CTBP2: variants seen among roughly 807,000 people sequenced by gnomAD.
The protein encoded by CTBP2 is C-terminal-binding protein 2.
CTBP2 carries 30 observed loss-of-function variants against 80.3 expected under a neutral mutation model. The ratio of observed to expected loss-of-function variants is 0.37; its 90% CI spans 0.28 to 0.51. The LOEUF is 0.51. CTBP2 is among the 20% of genes least tolerant of loss of function. CTBP2 has a pLI of 0.93. For missense variants in CTBP2, 1,212 were observed against 1,375.3 expected (o/e 0.88, Z 1.88); for synonymous variants, 594 against 587.4 (o/e 1.01, Z -0.16).
At chr10:125,102,551 G>A (rs538225407) in intron 2 of CTBP2, among the ~76,000 whole-genome samples, 1 of 152,208 alleles carries the variant, frequency 6.6e-6, no homozygotes, top group East Asian at 1.9e-4. Flanking sequence ...AATCAATGTT[G>A]AGTCCTCCTT....
chr10:125,049,004 C>A (rs1019474659), intron 2 of CTBP2, among the ~76,000 whole-genome samples: 1 of 150,624 alleles, frequency 6.6e-6, no homozygotes, highest in Non-Finnish European at 1.5e-5. Context: ...CCAGAATGCA[C>A]ATTAATGTGC....
At chr10:125,087,607 C>A (rs747593149) in intron 2 of CTBP2, among the ~76,000 whole-genome samples, 1 of 152,226 alleles carries the variant, frequency 6.6e-6, no homozygotes, top group Non-Finnish European at 1.5e-5. Context: ...CTCATCCCCC[C>A]ACTTAGTCCT....
chr10:125,034,393 T>C (rs1261014293), intron 3 of CTBP2, among the ~76,000 whole-genome samples: 1 of 152,246 alleles, frequency 6.6e-6, no homozygotes, highest in Non-Finnish European at 1.5e-5. Context: ...CCTGAACCTT[T>C]ACCTTTGCAT....
At chr10:125,067,164 C>T (rs2936543) in intron 2 of CTBP2, among the ~76,000 whole-genome samples, 100,378 of 152,028 alleles carry the variant, frequency 0.66, 34,070 homozygotes, top group African/African-American at 0.82. Context: ...CATAACCCAG[C>T]CCAGGAATGA....
At chr10:125,084,378 G>A (rs1320850518) in intron 2 of CTBP2, among the ~76,000 whole-genome samples, 1 of 152,186 alleles carries the variant, frequency 6.6e-6, no homozygotes, top group East Asian at 1.9e-4. Flanking sequence ...GCAGCCCCGT[G>A]GAAGGAAAGG....
Position 124,986,289 on chromosome 10 carries a change from GCGCA to G in CTBP2, c.*3225_*3228del, listed in dbSNP as rs1205130757. 44 of 108,438 alleles carry G rather than the reference GCGCA, an allele frequency of 4.1e-4. No individual in the cohort carries two copies. Among genetic ancestry groups the G allele is most frequent in the African/African-American group, 1.4e-3 (38 of 27,626 alleles). The allele number at this position is 108,438 out of a possible 1,614,324, so 6.7% of individuals were successfully genotyped here. A position where few individuals can be genotyped will look rare whatever the true frequency, so the allele number is the denominator to read the frequency against. On this transcript the variant is annotated 3_prime_UTR_variant, in exon 9 of 9. Coordinates refer to ENST00000309035, the MANE Select transcript of CTBP2 (RefSeq NM_022802.3). Reference sequence around the variant, plus strand: ...AAAGACGACACACGCACGCGCGCGCGCGCACACACACACACACACACACACACAC... The same window carrying G: ...AAAGACGACACACGCACGCGCGCGCGCACACACACACACACACACACACAC...
chr10:124,992,608 T>G (rs998539282), intron 8 of CTBP2, 87 bp downstream of exon 10: 8 of 917,714 alleles, frequency 8.7e-6, no homozygotes, highest in Non-Finnish European at 1.3e-5. Context: ...CTGCGGGAGG[T>G]TAAGCTTCCG....
intron 2 of CTBP2, among the ~76,000 whole-genome samples, chr10:125,070,221 C>T (rs7085356): frequency 0.092 from 14,023 of 152,004 alleles, 782 homozygotes; most frequent in South Asian, 0.2. Flanking sequence ...TGTGGTGGCA[C>T]GTGCCTGCAG....
intron 2 of CTBP2, among the ~76,000 whole-genome samples, chr10:125,086,253 A>C (rs991111683): frequency 3.3e-5 from 5 of 152,078 alleles, no homozygotes; most frequent in Non-Finnish European, 7.4e-5. Flanking sequence ...TCTTTTGGCC[A>C]AGGCTCGGTG....
At chr10:125,110,222 G>T (rs538008306) in intron 2 of CTBP2, among the ~76,000 whole-genome samples, 21 of 152,362 alleles carry the variant, frequency 1.4e-4, no homozygotes, top group African/African-American at 5.0e-4. Context: ...GCTTTTGAAT[G>T]ATGTTGTTAC....
intron 2 of CTBP2, among the ~76,000 whole-genome samples, chr10:125,072,924 T>C (rs1452161622): frequency 6.6e-6 from 1 of 152,186 alleles, no homozygotes; most frequent in African/African-American, 2.4e-5. Flanking sequence ...AACAAAACTG[T>C]TGACTACAGT....
intron 4 of CTBP2, among the ~76,000 whole-genome samples, chr10:124,994,915 C>T (rs915592636): frequency 3.3e-5 from 5 of 152,236 alleles, no homozygotes; most frequent in South Asian, 2.1e-4. Context: ...ATATTGGGTA[C>T]AGCAGGATTT....
At chr10:125,029,535 C>T (rs1957974987), upstream of CTBP2, among the ~76,000 whole-genome samples, 1 of 152,220 alleles carries the variant, frequency 6.6e-6, no homozygotes, top group African/African-American at 2.4e-5. Flanking sequence ...GCTGGGATTA[C>T]AGGCATGAGC....
intron 2 of CTBP2, among the ~76,000 whole-genome samples, chr10:125,096,111 C>CA (rs1327151698): frequency 6.6e-6 from 1 of 152,078 alleles, no homozygotes; most frequent in African/African-American, 2.4e-5. Context: ...TTGTCAAACA[C>CA]AAAAAAAGCA....
At chr10:125,034,115 G>A (rs1405313229) in intron 3 of CTBP2, among the ~76,000 whole-genome samples, 1 of 152,164 alleles carries the variant, frequency 6.6e-6, no homozygotes, top group East Asian at 1.9e-4. Flanking sequence ...ACTGACCGGT[G>A]CAAAGAGACG....
chr10:124,991,903 G>GGT (rs1564999070), intron 8 of CTBP2, among the ~76,000 whole-genome samples: 3 of 142,630 alleles, frequency 2.1e-5, no homozygotes, highest in African/African-American at 7.7e-5. Flanking sequence ...TGGGGGGGGG[G>GGT]GTGTGGGAGA....
chr10:125,114,636 T>C (rs1852895145), intron 1 of CTBP2, among the ~76,000 whole-genome samples: 1 of 152,186 alleles, frequency 6.6e-6, no homozygotes, highest in Non-Finnish European at 1.5e-5. Context: ...ACTAGAACCT[T>C]TAGAAGCCTT....
At chr10:125,031,487 T>TCAAAAAAAA (rs1958195178), upstream of CTBP2, among the ~76,000 whole-genome samples, 1 of 12,012 alleles carries the variant, frequency 8.3e-5, no homozygotes, top group Admixed American at 9.1e-4. Flanking sequence ...AGACTCCATT[T>TCAAAAAAAA]CAAAAAAAAA....
intron 1 of CTBP2, among the ~76,000 whole-genome samples, chr10:125,014,579 G>A (rs73375117): frequency 6.6e-6 from 1 of 152,232 alleles, no homozygotes; most frequent in African/African-American, 2.4e-5. Flanking sequence ...TCCTTACGGG[G>A]AGCAACCTCT....
Sources: gnomAD v4.1 joint callset for allele counts (sites outside exome capture counted in the v4.1 genomes callset) on GRCh38, gnomAD v4.1.1 for gene constraint, MANE v1.5 for transcripts, NCBI Gene and HGNC (gene_info 2026-07-23, HGNC 2026-07-21) for gene names.